IMMP2L: variants seen among roughly 807,000 people sequenced by gnomAD.
IMMP2L encodes the protein inner mitochondrial membrane peptidase subunit 2, also known as mitochondrial inner membrane protease subunit 2.
Under a neutral mutation model 19.3 loss-of-function variants are expected in IMMP2L, and 18 were observed. The ratio of observed to expected loss-of-function variants is 0.93; its 90% CI spans 0.64 to 1.38. The LOEUF is 1.38. Ranked by LOEUF, IMMP2L falls within the 40% of genes most tolerant of loss-of-function variation. IMMP2L has a pLI of 0.00. For missense variants in IMMP2L, 233 were observed against 218.2 expected (o/e 1.07, Z -0.43); for synonymous variants, 76 against 73.0 (o/e 1.04, Z -0.21).
At chr7:111,084,353 C>T (rs556796009) in intron 3 of IMMP2L, among the ~76,000 whole-genome samples, 186 of 149,190 alleles carry the variant, frequency 1.2e-3, no homozygotes, top group Non-Finnish European at 2.1e-3. Context: ...TTTAGGGGAG[C>T]GCTTAAGAGG....
chr7:110,841,293 T>C (rs902048013), intron 5 of IMMP2L, among the ~76,000 whole-genome samples: 1 of 151,990 alleles, frequency 6.6e-6, no homozygotes, highest in Non-Finnish European at 1.5e-5. Context: ...CTTTTAAAAA[T>C]AGAACCTTTA....
intron 5 of IMMP2L, among the ~76,000 whole-genome samples, chr7:110,848,969 A>T (rs1167224550): frequency 6.6e-6 from 1 of 152,146 alleles, no homozygotes; most frequent in Admixed American, 6.6e-5. Flanking sequence ...CAGTGAAACT[A>T]TTCTGTATGA....
intron 5 of IMMP2L, among the ~76,000 whole-genome samples, chr7:110,685,459 T>C (rs1292727343): frequency 6.6e-6 from 1 of 152,172 alleles, no homozygotes; most frequent in African/African-American, 2.4e-5. Context: ...AGATTAAGCC[T>C]GATGTACTGC....
chr7:111,100,397 T>C (rs1034892934), intron 3 of IMMP2L, among the ~76,000 whole-genome samples: 1 of 148,604 alleles, frequency 6.7e-6, no homozygotes, highest in African/African-American at 2.4e-5. Context: ...ATATATATAA[T>C]AATATGCTTA....
Position 111,072,824 on chromosome 7 carries a change from GGCGGAGCA to G in IMMP2L, c.240-109267_240-109260del, listed in dbSNP as rs1192031835. On this transcript the variant is annotated intron_variant, in intron 3 of 5. Coordinates refer to ENST00000405709, the MANE Select transcript of IMMP2L (RefSeq NM_032549.4). ...GCAGGAGAATAGTGTGAACCCAGGA[GGCGGAGCA>G]GCGGAGCTTGCAGCGAGCCAAGATT... Among the ~76,000 whole-genome samples, 6 of 151,906 alleles carry G rather than the reference GGCGGAGCA, an allele frequency of 3.9e-5. No individual in the cohort carries two copies. In the South Asian group the frequency reaches 1.2e-3, roughly 32 times the overall value.
At chr7:111,322,570 G>A (rs779243043) in intron 3 of IMMP2L, among the ~76,000 whole-genome samples, 6 of 151,098 alleles carry the variant, frequency 4.0e-5, no homozygotes, top group Non-Finnish European at 7.4e-5. Context: ...AAAGAAATTC[G>A]ATATCTGGGT....
chr7:111,524,212 G>A (rs963936989), intron 1 of IMMP2L, among the ~76,000 whole-genome samples: 5 of 151,632 alleles, frequency 3.3e-5, no homozygotes, highest in Admixed American at 6.6e-5. Flanking sequence ...ATTTAAAAAC[G>A]GAATGACCTC....
chr7:110,732,796 T>G (rs1289900828), intron 5 of IMMP2L, among the ~76,000 whole-genome samples: 1 of 151,754 alleles, frequency 6.6e-6, no homozygotes, highest in Non-Finnish European at 1.5e-5. Context: ...GAATTTCTTT[T>G]TTTTTTTTTT....
chr7:110,795,167 C>A (rs1307697371), intron 5 of IMMP2L, among the ~76,000 whole-genome samples: 1 of 152,012 alleles, frequency 6.6e-6, no homozygotes, highest in African/African-American at 2.4e-5. Context: ...ATGATGGAGC[C>A]CCAAATGAAA....
At chr7:111,552,260 T>C (rs1585659672) in intron 1 of IMMP2L, among the ~76,000 whole-genome samples, 1 of 152,130 alleles carries the variant, frequency 6.6e-6, no homozygotes, top group Admixed American at 6.5e-5. Flanking sequence ...TCAGTTTTAC[T>C]GGTCAAAAGG....
intron 4 of IMMP2L, among the ~76,000 whole-genome samples, chr7:110,886,933 G>A (rs1461563982): frequency 3.9e-5 from 6 of 151,920 alleles, no homozygotes; most frequent in African/African-American, 1.5e-4. Flanking sequence ...AAATGTATTG[G>A]CACTAAATAT....
intron 3 of IMMP2L, among the ~76,000 whole-genome samples, chr7:111,417,542 T>G (rs1835069292): frequency 6.6e-6 from 1 of 151,774 alleles, no homozygotes; most frequent in South Asian, 2.1e-4. Context: ...GGTCCTGATA[T>G]GAAGGTTCGT....
chr7:111,404,916 T>A (rs1009986032), intron 3 of IMMP2L, among the ~76,000 whole-genome samples: 2 of 152,096 alleles, frequency 1.3e-5, no homozygotes, highest in Non-Finnish European at 2.9e-5. Flanking sequence ...GTGTCTAAAG[T>A]AGTTCCTTAA....
At chr7:110,751,337 ATACT>A (rs1797705408) in intron 5 of IMMP2L, among the ~76,000 whole-genome samples, 1 of 151,996 alleles carries the variant, frequency 6.6e-6, no homozygotes. Context: ...CTTTAGAAAC[ATACT>A]TAATATTTGG....
In IMMP2L at chr7:111,522,093, G is replaced by A. The variant is rs534364862; in HGVS notation, c.-2-644C>T. 3.8e-4 allele frequency among the ~76,000 whole-genome samples: 58 copies of A among 152,148 alleles called. 1 individual carries two copies. The South Asian group carries it at 0.011, about 28-fold the overall frequency. On this transcript the variant is annotated intron_variant, in intron 1 of 5. Transcript: ENST00000405709. Reference sequence around the variant, plus strand: ...AACAAAATGGAACGATCCTAGGTCCGCAACACCATGGAGGCACCATACTGT... The same window carrying A: ...AACAAAATGGAACGATCCTAGGTCCACAACACCATGGAGGCACCATACTGT...
chr7:111,203,093 C>T (rs1005323838), intron 3 of IMMP2L, among the ~76,000 whole-genome samples: 9 of 151,972 alleles, frequency 5.9e-5, no homozygotes, highest in African/African-American at 2.2e-4. Flanking sequence ...GACACAGATG[C>T]AAGTAAAAAG....
At chr7:111,092,214 A>C (rs1472677022) in intron 3 of IMMP2L, among the ~76,000 whole-genome samples, 1 of 152,236 alleles carries the variant, frequency 6.6e-6, no homozygotes, top group African/African-American at 2.4e-5. Flanking sequence ...CTGATTGCTA[A>C]TGCAGCTGGA....
In IMMP2L at chr7:110,669,089, GTA is replaced by G. The variant is rs746970601; in HGVS notation, c.409-5370_409-5369del. 2.0e-3 allele frequency among the ~76,000 whole-genome samples: 284 copies of G among 139,910 alleles called. 4 individuals carry two copies. Among genetic ancestry groups the G allele is most frequent in the East Asian group, 0.012 (53 of 4,410 alleles). 91.8% of individuals were successfully genotyped at this position (139,910 alleles called of 152,430 possible). On this transcript the variant is annotated intron_variant, in intron 5 of 5. Transcript: ENST00000405709. ...TGTGTGTGTGTGTGTGTGTGTGTGTGTATATGTATATATATATATAGAGAGAG... is the reference window on the plus strand; with the variant it reads ...TGTGTGTGTGTGTGTGTGTGTGTGTGTATGTATATATATATATAGAGAGAG...
intron 3 of IMMP2L, among the ~76,000 whole-genome samples, chr7:111,286,628 A>AG (rs1390769788): frequency 6.6e-6 from 1 of 152,196 alleles, no homozygotes; most frequent in African/African-American, 2.4e-5. Context: ...GTGGTCTCCG[A>AG]GAAAAAACAG....
Sources: allele counts gnomAD v4.1 joint callset (sites outside exome capture counted in the v4.1 genomes callset), GRCh38; gene constraint gnomAD v4.1.1; transcripts MANE v1.5; gene names NCBI Gene and HGNC (gene_info 2026-07-23, HGNC 2026-07-21).